The following SPIN1 variants were observed in gnomAD, a reference collection of about 807,000 sequenced individuals.
SPIN1 encodes spindlin-1.
A neutral mutation model predicts 26.0 loss-of-function variants in SPIN1; 3 were observed. The ratio of observed to expected loss-of-function variants is 0.12; its 90% CI spans 0.05 to 0.30. SPIN1 has a LOEUF of 0.30. SPIN1 is among the 10% of genes least tolerant of loss of function. The pLI is 1.00. For synonymous variants in SPIN1, 101 were observed against 116.5 expected, an observed-to-expected ratio of 0.87 and a Z score of 0.86; for missense variants, 126 against 333.4, an observed-to-expected ratio of 0.38 and a Z score of 4.84.
At chr9:88,449,529 G>C (rs558016326) in intron 3 of SPIN1, among the ~76,000 whole-genome samples, 1 of 152,218 alleles carries the variant, frequency 6.6e-6, no homozygotes, top group African/African-American at 2.4e-5. Flanking sequence ...CTGACAGTGT[G>C]TTCTCAATCC....
At chr9:88,446,958 T>C (rs1398200243) in intron 2 of SPIN1, among the ~76,000 whole-genome samples, 1 of 152,238 alleles carries the variant, frequency 6.6e-6, no homozygotes, top group Non-Finnish European at 1.5e-5. Context: ...TCTGTGGTTA[T>C]ATGCTTTTTA....
At chr9:88,423,286 A>G (rs1159709421) in intron 1 of SPIN1, among the ~76,000 whole-genome samples, 3 of 152,176 alleles carry the variant, frequency 2.0e-5, no homozygotes, top group Non-Finnish European at 4.4e-5. Flanking sequence ...ATGTAGTTTT[A>G]AAATTTCTTT....
chr9:88,456,620 C>T (rs1358702533), intron 3 of SPIN1, among the ~76,000 whole-genome samples: 1 of 152,184 alleles, frequency 6.6e-6, no homozygotes, highest in African/African-American at 2.4e-5. Context: ...TGGCTTCTGT[C>T]ATCAGAACCT....
intron 1 of SPIN1, among the ~76,000 whole-genome samples, chr9:88,414,323 C>G (rs1005460670): frequency 1.6e-4 from 24 of 152,190 alleles, no homozygotes; most frequent in Non-Finnish European, 5.9e-5. Context: ...GTTGGTCTTT[C>G]TGGTTTGGCC....
chr9:88,463,877 A>T (rs1473643897), intron 4 of SPIN1, among the ~76,000 whole-genome samples: 2 of 152,176 alleles, frequency 1.3e-5, no homozygotes, highest in Non-Finnish European at 2.9e-5. Context: ...TTTCTTCTTG[A>T]TCATGGCATT....
chr9:88,459,529 A>T (rs1587812260), intron 3 of SPIN1, among the ~76,000 whole-genome samples: 1 of 151,462 alleles, frequency 6.6e-6, no homozygotes, highest in Admixed American at 6.6e-5. Context: ...TACAATCCTA[A>T]TTTTAATTCT....
At chr9:88,435,583 C>T (rs948801924) in intron 2 of SPIN1, among the ~76,000 whole-genome samples, 40 of 152,268 alleles carry the variant, frequency 2.6e-4, no homozygotes, top group African/African-American at 9.6e-4. Context: ...AATGGTGTTT[C>T]TGTGCAGTTT....
chr9:88,402,527 T>TTTTC (rs1827212927), intron 1 of SPIN1, among the ~76,000 whole-genome samples: 2 of 150,986 alleles, frequency 1.3e-5, no homozygotes, highest in South Asian at 4.2e-4. Flanking sequence ...TTTTTTTTTT[T>TTTTC]ATAGCTCCCA....
At chr9:88,465,017 G>GT (rs1432611976) in intron 4 of SPIN1, among the ~76,000 whole-genome samples, 2 of 152,124 alleles carry the variant, frequency 1.3e-5, no homozygotes, top group African/African-American at 4.8e-5. Flanking sequence ...TATTTGTTTT[G>GT]TGAGTAACTT....
intron 2 of SPIN1, among the ~76,000 whole-genome samples, chr9:88,442,551 A>T (rs1828158137): frequency 1.3e-5 from 2 of 151,296 alleles, no homozygotes. Context: ...TTACTGGTTA[A>T]TTTTTGTATT....
At chr9:88,441,711 G>A (rs1472566041) in intron 2 of SPIN1, among the ~76,000 whole-genome samples, 1 of 150,972 alleles carries the variant, frequency 6.6e-6, no homozygotes, top group African/African-American at 2.4e-5. Flanking sequence ...AGCCATAATC[G>A]CACCACCGCA....
intron 1 of SPIN1, among the ~76,000 whole-genome samples, chr9:88,389,636 A>C (rs1826876789): frequency 6.6e-6 from 1 of 152,186 alleles, no homozygotes; most frequent in Non-Finnish European, 1.5e-5. Flanking sequence ...GAACATTTAA[A>C]TGTCTTAAAG....
intron 2 of SPIN1, among the ~76,000 whole-genome samples, chr9:88,432,130 A>T (rs992378800): frequency 1.0e-4 from 15 of 150,662 alleles, no homozygotes; most frequent in Admixed American, 2.0e-4. Context: ...TGCTACTTGG[A>T]TGTTTGGCCT....
chr9:88,441,816 AAATATAAAAT>A, intron 2 of SPIN1, among the ~76,000 whole-genome samples: 1 of 148,406 alleles, frequency 6.7e-6, no homozygotes, highest in East Asian at 1.9e-4. Flanking sequence ...TTGTATTATA[AAATATAAAAT>A]AATATAAAAT....
intron 1 of SPIN1, among the ~76,000 whole-genome samples, chr9:88,390,457 C>G (rs1373195071): frequency 1.3e-5 from 2 of 152,190 alleles, no homozygotes; most frequent in Non-Finnish European, 2.9e-5. Flanking sequence ...AGTGACTTAC[C>G]TGATTGCACA....
At chr9:88,423,638 A>T (rs1827712303) in intron 1 of SPIN1, among the ~76,000 whole-genome samples, 1 of 150,176 alleles carries the variant, frequency 6.7e-6, no homozygotes, top group East Asian at 2.0e-4. Flanking sequence ...CGGGTCTCGA[A>T]CTCCTGGCCT....
At chr9:88,471,947 C>T (rs762689121) in intron 5 of SPIN1, among the ~76,000 whole-genome samples, 8 of 151,960 alleles carry the variant, frequency 5.3e-5, no homozygotes, top group Non-Finnish European at 8.8e-5. Context: ...TACAGGCATA[C>T]GCCACCACAT....
At chr9:88,408,919 C>T (rs575849725) in intron 1 of SPIN1, among the ~76,000 whole-genome samples, 1 of 151,976 alleles carries the variant, frequency 6.6e-6, no homozygotes, top group African/African-American at 2.4e-5. Context: ...GCCTGGGCCT[C>T]CCAAAGTGTT....
intron 1 of SPIN1, among the ~76,000 whole-genome samples, chr9:88,389,850 G>T (rs993331774): frequency 1.3e-5 from 2 of 151,926 alleles, no homozygotes; most frequent in African/African-American, 4.8e-5. Flanking sequence ...GATATACTGA[G>T]TTTTTTTTAA....
Sources: gnomAD v4.1 joint callset for allele counts (sites outside exome capture counted in the v4.1 genomes callset) on GRCh38, gnomAD v4.1.1 for gene constraint, MANE v1.5 for transcripts, NCBI Gene and HGNC (gene_info 2026-07-23, HGNC 2026-07-21) for gene names.